Variants in CHKA observed in about 807,000 individuals in gnomAD.
The protein encoded by CHKA is choline kinase alpha.
Under a neutral mutation model 60.1 loss-of-function variants are expected in CHKA, and 34 were observed. The ratio of observed to expected loss-of-function variants is 0.57; its 90% CI spans 0.43 to 0.75. The LOEUF (loss-of-function observed/expected upper bound fraction) is 0.75, where lower values mean the gene tolerates loss of function less well. Ranked by LOEUF, CHKA falls within the 30% of genes least tolerant of loss-of-function variation. The pLI is 0.00. For missense variants in CHKA, 563 were observed against 561.3 expected (o/e 1.00, Z -0.03); for synonymous variants, 217 against 223.1 (o/e 0.97, Z 0.24).
chr11:68,068,927 C>A lies in CHKA; in HGVS notation c.880G>T (p.Glu294Ter). Residue 294 changes from glutamate (E) to a stop codon, truncating the protein, a stop_gained, in exon 7 of 12, where the codon GAA becomes TAA. Coordinates refer to ENST00000265689, the MANE Select transcript of CHKA (RefSeq NM_001277.3). LOFTEE classifies it high-confidence loss of function. ...LELENLRSLL[E>*]STPSPVVFCH... ...AATACAACTGGAGATGGAGTAGATTCAAGCAATGATCTGAAAAGAAAGGTT... is the reference window on the plus strand; with the variant it reads ...AATACAACTGGAGATGGAGTAGATTAAAGCAATGATCTGAAAAGAAAGGTT... 1 of 1,611,846 alleles carries A rather than the reference C, an allele frequency of 6.2e-7. No individual in the cohort carries two copies. The highest frequency in any genetic ancestry group is 1.1e-5 in the South Asian group (1 of 90,982).
At chr11:68,099,254 C>T (rs766052795) in intron 1 of CHKA, among the ~76,000 whole-genome samples, 1 of 152,188 alleles carries the variant, frequency 6.6e-6, no homozygotes, top group South Asian at 2.1e-4. Context: ...GTGGTAACAG[C>T]TGCAAGTATC....
At chr11:68,077,204 C>T (rs1856821740) in intron 3 of CHKA, among the ~76,000 whole-genome samples, 1 of 152,182 alleles carries the variant, frequency 6.6e-6, no homozygotes, top group Admixed American at 6.5e-5. Context: ...CACACCACTG[C>T]ACTCCAGCCT....
In CHKA at chr11:68,099,383, A is replaced by T. The variant is rs551524341; in HGVS notation, c.351-2253T>A. 3.4e-4 allele frequency among the ~76,000 whole-genome samples: 52 copies of T among 152,270 alleles called. No individual in the cohort carries two copies. The South Asian group carries it at 0.01, about 30-fold the overall frequency. ...TTTGAATGTGCTTCTAGCACAAACA[A>T]TTTTTTCCCAGATTTAAGTAAGACA... On this transcript the variant is annotated intron_variant, in intron 1 of 11. Coordinates refer to ENST00000265689, the MANE Select transcript of CHKA (RefSeq NM_001277.3).
chr11:68,066,574 A>T, intron 7 of CHKA, 58 bp from the exon 8 acceptor site: 3 of 1,309,890 alleles, frequency 2.3e-6, no homozygotes, highest in Non-Finnish European at 3.3e-6. Context: ...CAAGTCCTTG[A>T]ACAGCAGAGC....
chr11:68,061,797 T>C (rs1388190651), intron 11 of CHKA, 156 bp downstream of exon 11: 1 of 676,242 alleles, frequency 1.5e-6, no homozygotes, highest in Non-Finnish European at 2.7e-6. Context: ...TGAGCCACAC[T>C]GTCCTGATGC....
chr11:68,087,063 T>G (rs904911274), intron 2 of CHKA, among the ~76,000 whole-genome samples: 2 of 152,146 alleles, frequency 1.3e-5, no homozygotes, highest in Non-Finnish European at 2.9e-5. Flanking sequence ...CGTCCAATAC[T>G]ACATGAGCTG....
At chr11:68,062,094 G>T in intron 10 of CHKA, 60 bp from the exon 11 acceptor site, 2 of 1,156,024 alleles carry the variant, frequency 1.7e-6, no homozygotes, top group Non-Finnish European at 2.5e-6. Context: ...CAGGACTGAT[G>T]AAATGATTTC....
chr11:68,105,764 T>TA (rs1423617095), intron 1 of CHKA, among the ~76,000 whole-genome samples: 1 of 152,020 alleles, frequency 6.6e-6, no homozygotes, highest in Non-Finnish European at 1.5e-5. Flanking sequence ...AGAAGTTACC[T>TA]AACCAACTAT....
chr11:68,062,367 C>T (rs573083291), intron 10 of CHKA, among the ~76,000 whole-genome samples: 1 of 152,314 alleles, frequency 6.6e-6, no homozygotes, highest in South Asian at 2.1e-4. Context: ...GCCTGGGTGG[C>T]CATGCTGGCA....
At chr11:68,108,541 G>A (rs569379745) in intron 1 of CHKA, among the ~76,000 whole-genome samples, 76 of 152,282 alleles carry the variant, frequency 5.0e-4, no homozygotes, top group African/African-American at 1.8e-3. Context: ...TCAGGAGATC[G>A]AGACCATCCT....
intron 11 of CHKA, among the ~76,000 whole-genome samples, chr11:68,057,555 G>A (rs570550089): frequency 3.3e-5 from 5 of 152,274 alleles, no homozygotes; most frequent in South Asian, 4.1e-4. Flanking sequence ...TCCTGACCTC[G>A]TGATCCACCA....
intron 2 of CHKA, among the ~76,000 whole-genome samples, chr11:68,085,010 A>C (rs1345150422): frequency 1.3e-5 from 2 of 152,200 alleles, no homozygotes; most frequent in African/African-American, 4.8e-5. Context: ...TGAATTCTAC[A>C]CTTAAAAGGC....
rs1034115976 is a variant in CHKA at position 68,065,834 on chromosome 11, G to A, written c.1077C>T (p.Tyr359=). The part of the protein sequence containing the change: ...EWMYDYSYEK[Y]PFFRANIRKY... ...TCCGGATGTTTGCTCTGAAAAAAGGGTATTTTTCATAGCTATAATCATACA... is the reference window on the plus strand; with the variant it reads ...TCCGGATGTTTGCTCTGAAAAAAGGATATTTTTCATAGCTATAATCATACA... Residue 359 remains tyrosine (Y), a synonymous_variant, in exon 9 of 12, where the codon TAC becomes TAT. Coordinates refer to ENST00000265689, the MANE Select transcript of CHKA (RefSeq NM_001277.3). 2 of 1,606,524 alleles carry A rather than the reference G, an allele frequency of 1.2e-6. No homozygotes were observed. The highest frequency in any genetic ancestry group is 1.7e-5 in the Admixed American group (1 of 59,922).
Position 68,064,641 on chromosome 11 carries a change from A to C in CHKA, c.1126-10T>G. 1 of 1,508,594 alleles carries C rather than the reference A, an allele frequency of 6.6e-7. No homozygotes were observed. Among genetic ancestry groups the C allele is most frequent in the Non-Finnish European group, 9.1e-7 (1 of 1,099,028 alleles). 93.5% of individuals were successfully genotyped at this position (1,508,594 alleles called of 1,614,324 possible). ...TGGAAATAAAATGGAGCTTAAAAAA[A>C]AGTAATTGTGTTAGGATCAATGATG... On this transcript the variant is annotated splice_polypyrimidine_tract_variant and intron_variant, in intron 9 of 11. Transcript: ENST00000265689.
intron 1 of CHKA, among the ~76,000 whole-genome samples, chr11:68,119,527 T>G (rs1420010489): frequency 2.0e-5 from 3 of 152,208 alleles, no homozygotes; most frequent in Non-Finnish European, 2.9e-5. Context: ...TGGAGTGCAG[T>G]GGCGTGATCT....
chr11:68,063,401 G>C (rs1856320612), intron 10 of CHKA, among the ~76,000 whole-genome samples: 1 of 151,956 alleles, frequency 6.6e-6, no homozygotes, highest in South Asian at 2.1e-4. Context: ...TTGGGAGGCT[G>C]AGGCAAGAGG....
chr11:68,103,805 T>C (rs939088850), intron 1 of CHKA, among the ~76,000 whole-genome samples: 1 of 151,864 alleles, frequency 6.6e-6, no homozygotes, highest in Non-Finnish European at 1.5e-5. Context: ...TCCCAGCTAT[T>C]TGTGAGGAGG....
intron 4 of CHKA, among the ~76,000 whole-genome samples, chr11:68,072,269 G>C (rs1299062085): frequency 6.6e-6 from 1 of 152,114 alleles, no homozygotes. Context: ...CCTAAGCCAG[G>C]CGTGGTGGCT....
intron 11 of CHKA, among the ~76,000 whole-genome samples, chr11:68,054,370 G>A (rs999749712): frequency 6.6e-6 from 1 of 152,180 alleles, no homozygotes; most frequent in African/African-American, 2.4e-5. Flanking sequence ...TGCTAACCCT[G>A]GGTGCTGTGG....
Sources: allele counts gnomAD v4.1 joint callset (sites outside exome capture counted in the v4.1 genomes callset), GRCh38; gene constraint gnomAD v4.1.1; transcripts MANE v1.5; gene names NCBI Gene and HGNC (gene_info 2026-07-23, HGNC 2026-07-21).